BLTP1: variants seen among roughly 807,000 people sequenced by gnomAD.
The protein encoded by BLTP1 is fragile site-associated protein.
the BLTP1 span, chr4:122,214,397 G>C: frequency 9.3e-6 from 9 of 967,388 alleles, no homozygotes; most frequent in Non-Finnish European, 1.1e-5. Context: ...CTATAAGCCA[G>C]TGAATTTTTT....
At chr4:122,357,112 A>C in the BLTP1 span, 9 of 828,022 alleles carry the variant, frequency 1.1e-5, no homozygotes, top group African/African-American at 1.7e-4. Context: ...TATTTACCTA[A>C]TTGTGAAAAC....
At chr4:122,236,647 G>A in the BLTP1 span, 17 of 538,220 alleles carry the variant, frequency 3.2e-5, no homozygotes, top group Non-Finnish European at 4.0e-5. Context: ...TAATTATAAA[G>A]ATTGCTTGAT....
chr4:122,154,634 G>C, the BLTP1 span, among the ~76,000 whole-genome samples: 4 of 152,194 alleles, frequency 2.6e-5, no homozygotes, highest in East Asian at 7.7e-4. Flanking sequence ...AGCACTTTGG[G>C]AGGCCGAGGC....
chr4:122,156,287 C>G, the BLTP1 span, among the ~76,000 whole-genome samples: 1 of 152,090 alleles, frequency 6.6e-6, no homozygotes, highest in African/African-American at 2.4e-5. Flanking sequence ...GATGAGATCA[C>G]TCAGGAAAAT....
chr4:122,298,078 CAA>C, the BLTP1 span: 7 of 631,156 alleles, frequency 1.1e-5, no homozygotes, highest in South Asian at 4.3e-4. Context: ...AAAGAAAAGA[CAA>C]GAGTAGCCAA....
the BLTP1 span, chr4:122,192,522 A>G: frequency 3.3e-6 from 2 of 604,576 alleles, no homozygotes; most frequent in Non-Finnish European, 5.4e-6. Context: ...ATCCAAAGAA[A>G]AACTTGCTTG....
the BLTP1 span, chr4:122,362,568 C>A: frequency 1.2e-5 from 2 of 169,826 alleles, no homozygotes; most frequent in Non-Finnish European, 2.5e-5. Context: ...TTGGATTGGC[C>A]GTAACTTTTA....
the BLTP1 span, chr4:122,271,827 A>G: frequency 1.2e-6 from 1 of 804,692 alleles, no homozygotes; most frequent in Non-Finnish European, 1.9e-6. Flanking sequence ...GTAAGTGGAT[A>G]ATTGAAATGG....
chr4:122,186,241 A>G, the BLTP1 span: 1 of 1,587,454 alleles, frequency 6.3e-7, no homozygotes, highest in Non-Finnish European at 8.6e-7. Context: ...TCATACTTGA[A>G]TTTTATTAAA....
the BLTP1 span, chr4:122,197,378 T>C: frequency 9.9e-7 from 1 of 1,012,690 alleles, no homozygotes; most frequent in African/African-American, 1.7e-5. Flanking sequence ...GTTTTCTTTT[T>C]CAGTTTTTTA....
the BLTP1 span, among the ~76,000 whole-genome samples, chr4:122,217,553 C>G: frequency 6.6e-6 from 1 of 151,986 alleles, no homozygotes; most frequent in Admixed American, 6.5e-5. Context: ...TCCCTTCATC[C>G]CTGGTGTGAA....
the BLTP1 span, chr4:122,359,509 T>C: frequency 5.1e-6 from 8 of 1,577,278 alleles, no homozygotes; most frequent in South Asian, 5.7e-5. Flanking sequence ...CTAATTCTTA[T>C]GGTGATTTAA....
the BLTP1 span, among the ~76,000 whole-genome samples, chr4:122,358,868 C>G: frequency 1.3e-5 from 2 of 152,026 alleles, no homozygotes; most frequent in Non-Finnish European, 2.9e-5. Context: ...CACCCTAATA[C>G]CTATGTTGCA....
the BLTP1 span, chr4:122,305,219 C>T: frequency 3.1e-6 from 3 of 982,136 alleles, no homozygotes; most frequent in African/African-American, 3.5e-5. Context: ...CCAGTATCTT[C>T]GTAATCATTT....
chr4:122,319,778 A>G, the BLTP1 span, among the ~76,000 whole-genome samples: 8 of 151,948 alleles, frequency 5.3e-5, no homozygotes, highest in Non-Finnish European at 1.0e-4. Flanking sequence ...TTACCTCGTG[A>G]TCCACCCGCC....
chr4:122,350,192 T>C, the BLTP1 span: 1 of 1,444,730 alleles, frequency 6.9e-7, no homozygotes, highest in Non-Finnish European at 9.1e-7. Context: ...ACAGGCTCTT[T>C]ATCTCACTCA....
the BLTP1 span, among the ~76,000 whole-genome samples, chr4:122,358,361 G>A: frequency 9.4e-4 from 143 of 152,226 alleles, 2 homozygotes; most frequent in African/African-American, 3.1e-3. Context: ...CAAAAAGACC[G>A]TTTTAATATA....
the BLTP1 span, chr4:122,153,159 GTTTTT>G: frequency 2.6e-4 from 33 of 125,670 alleles, no homozygotes; most frequent in Middle Eastern, 4.1e-3. Flanking sequence ...AGTTGTTGTC[GTTTTT>G]TTTTTTTTTT....
chr4:122,314,325 A>G, the BLTP1 span, among the ~76,000 whole-genome samples: 1 of 152,196 alleles, frequency 6.6e-6, no homozygotes, highest in Non-Finnish European at 1.5e-5. Flanking sequence ...CAAATTAAGG[A>G]GTTTGATTTG....
Sources: gnomAD v4.1 joint callset for allele counts (sites outside exome capture counted in the v4.1 genomes callset) on GRCh38, gnomAD v4.1.1 for gene constraint, MANE v1.5 for transcripts, NCBI Gene and HGNC (gene_info 2026-07-23, HGNC 2026-07-21) for gene names.